TMEM161B: variants seen among roughly 807,000 people sequenced by gnomAD.
TMEM161B encodes transmembrane protein 161B.
A neutral mutation model predicts 61.8 loss-of-function variants in TMEM161B; 34 were observed. That is an observed-to-expected ratio of 0.55 (90% CI 0.42 to 0.73). The LOEUF is 0.73. Ranked by LOEUF, TMEM161B falls within the 30% of genes least tolerant of loss-of-function variation. The pLI is 0.00. For synonymous variants in TMEM161B, 167 were observed against 192.8 expected (o/e 0.87, Z 1.11); for missense variants, 456 against 558.5 (o/e 0.82, Z 1.85).
chr5:88,263,626 C>T (rs1420860768), intron 1 of TMEM161B, among the ~76,000 whole-genome samples: 1 of 152,090 alleles, frequency 6.6e-6, no homozygotes, highest in Admixed American at 6.6e-5. Context: ...CTAACATGGG[C>T]AAAACCACGT....
At chr5:88,249,121 A>G (rs1342146436) in intron 1 of TMEM161B, among the ~76,000 whole-genome samples, 1 of 152,136 alleles carries the variant, frequency 6.6e-6, no homozygotes, top group African/African-American at 2.4e-5. Context: ...TTTCCCAGCT[A>G]ACCATCTACA....
chr5:88,254,330 T>C (rs1009512880), intron 1 of TMEM161B, among the ~76,000 whole-genome samples: 1 of 152,182 alleles, frequency 6.6e-6, no homozygotes. Context: ...GAACTTATTA[T>C]AGATTATTTC....
chr5:88,191,992 A>G (rs1279246868), downstream of TMEM161B, among the ~76,000 whole-genome samples: 26 of 32,962 alleles, frequency 7.9e-4, 1 homozygote, highest in Non-Finnish European at 1.2e-3. Flanking sequence ...GTATATATAT[A>G]TATATATATA....
At chr5:88,253,489 A>C (rs529726031) in intron 1 of TMEM161B, among the ~76,000 whole-genome samples, 5 of 152,346 alleles carry the variant, frequency 3.3e-5, no homozygotes, top group African/African-American at 1.2e-4. Flanking sequence ...AAGGAAGAGA[A>C]GGTCAGGCAG....
chr5:88,251,227 A>C (rs1754306907), intron 1 of TMEM161B, among the ~76,000 whole-genome samples: 1 of 152,096 alleles, frequency 6.6e-6, no homozygotes, highest in Non-Finnish European at 1.5e-5. Flanking sequence ...ATGAGTCATG[A>C]ATCATGGGTC....
At chr5:88,226,252 T>C (rs1042775505) in intron 3 of TMEM161B, among the ~76,000 whole-genome samples, 33 of 151,768 alleles carry the variant, frequency 2.2e-4, no homozygotes, top group Middle Eastern at 3.4e-3. Context: ...CACACACACA[T>C]ACATATAAAC....
In TMEM161B at chr5:88,197,707, A is replaced by G. The variant is rs758722089; in HGVS notation, c.1148T>C (p.Val383Ala). 4 of 1,613,100 alleles carry G rather than the reference A, an allele frequency of 2.5e-6. No homozygotes were observed. In the East Asian group the frequency reaches 8.9e-5, roughly 36 times the overall value. Reference sequence around the variant, plus strand: ...AAGCAGAGTTGTGTGAAGCAGCATTACCAGAGGCGCCACATACTGCAGTGC... The same window carrying G: ...AAGCAGAGTTGTGTGAAGCAGCATTGCCAGAGGCGCCACATACTGCAGTGC... ...VIALQYVAPL[V>A]MLLHTTLLLK... The change falls in exon 11 of 12, where the codon GTA becomes GCA. Residue 383 changes from valine to alanine, a missense_variant. By Grantham distance (64) the Val-to-Ala change is moderately conservative. This residue lies in a region of TMEM161B where 367 missense variants were observed against 427.3 expected (regional missense o/e 0.86). Coordinates refer to ENST00000296595, the MANE Select transcript of TMEM161B (RefSeq NM_153354.5).
At chr5:88,229,713 A>C (rs1191300662) in intron 2 of TMEM161B, among the ~76,000 whole-genome samples, 6 of 149,258 alleles carry the variant, frequency 4.0e-5, no homozygotes, top group Non-Finnish European at 8.9e-5. Flanking sequence ...AATTACAAAA[A>C]TCTAGATTTT....
intron 2 of TMEM161B, among the ~76,000 whole-genome samples, chr5:88,231,551 T>C (rs1218068403): frequency 1.3e-5 from 2 of 152,258 alleles, no homozygotes; most frequent in African/African-American, 2.4e-5. Flanking sequence ...GTTACTGGCA[T>C]AGAGCAAGTG....
chr5:88,243,887 T>C (rs1753161979), intron 1 of TMEM161B, among the ~76,000 whole-genome samples: 1 of 151,980 alleles, frequency 6.6e-6, no homozygotes. Context: ...GCCACATAAA[T>C]GTCTCCATTT....
At position 88,196,471 on chromosome 5, in the gene TMEM161B, T is replaced by C. The variant is rs1311873519; in HGVS notation, c.1204A>G (p.Ile402Val). Residue 402 changes from isoleucine (I) to valine (V), a missense_variant, in exon 12 of 12, where the codon ATT becomes GTT. Transcript: ENST00000296595. Reference protein sequence around the residue: ...LKTLGNHSWGIYPESISTLPV... With the variant: ...LKTLGNHSWGVYPESISTLPV... ...AAGGTAGAGATAGATTCTGGATAAA[T>C]ACCCCAGGAATGATTACCTAGAAAA... 15 of 1,606,076 alleles carry C rather than the reference T, an allele frequency of 9.3e-6. No individual in the cohort carries two copies. The highest frequency in any genetic ancestry group is 1.2e-5 in the Non-Finnish European group (14 of 1,176,600).
downstream of TMEM161B, chr5:88,190,111 C>A (rs1469716438): frequency 1.4e-6 from 1 of 700,898 alleles, no homozygotes; most frequent in Admixed American, 2.0e-5. Context: ...TAAGCCTCCA[C>A]CCACCCAGAG....
intron 1 of TMEM161B, among the ~76,000 whole-genome samples, chr5:88,250,129 G>A (rs1007251386): frequency 5.9e-5 from 9 of 151,974 alleles, no homozygotes; most frequent in Admixed American, 1.3e-4. Flanking sequence ...TCTTGCAAAG[G>A]AGACAAACAG....
chr5:88,223,120 A>G (rs1749305777), intron 4 of TMEM161B, among the ~76,000 whole-genome samples: 1 of 117,480 alleles, frequency 8.5e-6, no homozygotes. Context: ...AAGCTACAAT[A>G]CCCTAAATTC....
intron 1 of TMEM161B, 115 bp downstream of exon 1, chr5:88,268,606 T>C (rs544914678): frequency 6.8e-7 from 1 of 1,476,100 alleles, no homozygotes; most frequent in South Asian, 1.2e-5. Flanking sequence ...CAGCAGCTCA[T>C]CCCAACGTCT....
intron 8 of TMEM161B, 93 bp from the exon 9 acceptor site, chr5:88,203,168 G>T: frequency 1.4e-6 from 1 of 729,406 alleles, no homozygotes; most frequent in Non-Finnish European, 2.4e-6. Context: ...GGAGGTAGGA[G>T]CTTATTTGCA....
intron 11 of TMEM161B, among the ~76,000 whole-genome samples, chr5:88,196,850 C>T (rs1749741045): frequency 6.6e-6 from 1 of 152,198 alleles, no homozygotes; most frequent in African/African-American, 2.4e-5. Flanking sequence ...ATCTTTTCTA[C>T]TTCTAGAATA....
intron 7 of TMEM161B, 130 bp downstream of exon 7, chr5:88,206,309 G>A: frequency 4.2e-6 from 3 of 713,160 alleles, no homozygotes; most frequent in Non-Finnish European, 6.8e-6. Context: ...TATGAGTAAG[G>A]ATGTTTCTAG....
chr5:88,205,674 G>A (rs566568508), intron 8 of TMEM161B, 140 bp downstream of exon 8: 238 of 934,982 alleles, frequency 2.5e-4, no homozygotes, highest in Non-Finnish European at 3.5e-4. Context: ...CTTGCTTATA[G>A]TTGAAAGAGG....
Sources: gnomAD v4.1 joint callset for allele counts (sites outside exome capture counted in the v4.1 genomes callset) on GRCh38, gnomAD v4.1.1 for gene constraint, gnomAD v4.1.1 regional missense constraint, MANE v1.5 for transcripts, NCBI Gene and HGNC (gene_info 2026-07-23, HGNC 2026-07-21) for gene names.